Variants in ROBO2 observed in about 807,000 individuals in gnomAD.
ROBO2 encodes the protein roundabout guidance receptor 2.
A neutral mutation model predicts 160.8 loss-of-function variants in ROBO2; 53 were observed. That is an observed-to-expected ratio of 0.33 (90% CI 0.26 to 0.41). The LOEUF is 0.41. Among genes scored for constraint, ROBO2 ranks in the 10% least tolerant of loss-of-function variants. The pLI, the probability that ROBO2 is intolerant of heterozygous loss-of-function variation, is 1.00. For missense variants in ROBO2, 1,577 were observed against 1,722.4 expected (o/e 0.92, Z 1.49); for synonymous variants, 664 against 611.7 (o/e 1.09, Z -1.26).
At chr3:76,557,571 G>T (rs1033801086) in intron 2 of ROBO2, among the ~76,000 whole-genome samples, 7 of 149,580 alleles carry the variant, frequency 4.7e-5, no homozygotes, top group African/African-American at 1.7e-4. Context: ...ATGTCCTTGG[G>T]AGAGATTTTA....
intron 2 of ROBO2, among the ~76,000 whole-genome samples, chr3:76,086,713 A>G (rs2108064858): frequency 6.6e-6 from 1 of 152,304 alleles, no homozygotes; most frequent in Middle Eastern, 3.4e-3. Context: ...TCAGAGTCAG[A>G]TATGGCAAGA....
rs142849858 is a variant in ROBO2, at chr3:77,304,138, G to C, written c.389-173276G>C. Among the ~76,000 whole-genome samples the C allele has an allele frequency of 5.8e-3, 889 of 152,280 alleles. 24 individuals are homozygous for C. The highest frequency in any genetic ancestry group is 0.046 in the Admixed American group (708 of 15,292). On this transcript the variant is annotated intron_variant, in intron 2 of 25. Transcript: ENST00000461745. ...GTGTCCACTTTCCTTCAGAGATTTA[G>C]GGTGATGAGAAGATAAAGGGTCTGC... is the stretch of plus-strand genomic sequence containing the variant.
At chr3:76,259,688 TTATAAGAAGTGGTGGTTTCC>T (rs1403566177) in intron 2 of ROBO2, among the ~76,000 whole-genome samples, 1 of 152,152 alleles carries the variant, frequency 6.6e-6, no homozygotes, top group Non-Finnish European at 1.5e-5. Context: ...CTTTCAGTCC[TTATAAGAAGTGGTGGTTTCC>T]TAAGCTTTGG....
intron 2 of ROBO2, among the ~76,000 whole-genome samples, chr3:76,404,796 T>C (rs902351869): frequency 1.3e-5 from 2 of 151,522 alleles, no homozygotes; most frequent in African/African-American, 4.8e-5. Context: ...CTTTCTAATA[T>C]AGAAAACGGA....
intron 2 of ROBO2, among the ~76,000 whole-genome samples, chr3:77,225,868 T>G (rs150893045): frequency 6.6e-6 from 1 of 152,026 alleles, no homozygotes; most frequent in Non-Finnish European, 1.5e-5. Context: ...TATGACTTCC[T>G]GCTATGGAGA....
chr3:76,216,283 A>G (rs1395219864), intron 2 of ROBO2, among the ~76,000 whole-genome samples: 2 of 152,208 alleles, frequency 1.3e-5, no homozygotes, highest in African/African-American at 4.8e-5. Flanking sequence ...TAACATCATA[A>G]TGAGAGGATA....
At chr3:76,424,460 A>C (rs2076126570) in intron 2 of ROBO2, among the ~76,000 whole-genome samples, 1 of 152,162 alleles carries the variant, frequency 6.6e-6, no homozygotes, top group Non-Finnish European at 1.5e-5. Flanking sequence ...AAAATGGATA[A>C]ACACATAGAA....
chr3:76,973,703 T>C (rs1053772391), intron 2 of ROBO2, among the ~76,000 whole-genome samples: 3 of 152,188 alleles, frequency 2.0e-5, no homozygotes, highest in African/African-American at 7.2e-5. Context: ...AATTTCAGTG[T>C]AATAATGAAC....
intron 2 of ROBO2, among the ~76,000 whole-genome samples, chr3:77,136,994 G>A (rs2150394186): frequency 6.6e-6 from 1 of 152,172 alleles, no homozygotes; most frequent in Middle Eastern, 3.4e-3. Flanking sequence ...ATGCTACCCA[G>A]GCTGGTCTTA....
At chr3:76,248,384 C>G (rs987191333) in intron 2 of ROBO2, among the ~76,000 whole-genome samples, 3 of 151,020 alleles carry the variant, frequency 2.0e-5, no homozygotes, top group African/African-American at 4.9e-5. Context: ...AGTAAACTAT[C>G]GCAAGAACAA....
At chr3:76,160,633 T>A (rs2072590545) in intron 2 of ROBO2, among the ~76,000 whole-genome samples, 1 of 152,188 alleles carries the variant, frequency 6.6e-6, no homozygotes, top group South Asian at 2.1e-4. Flanking sequence ...TTGTAAAGGA[T>A]CAGTGGTTTT....
chr3:77,640,516 T>A (rs1167762058), intron 24 of ROBO2, among the ~76,000 whole-genome samples: 7 of 152,138 alleles, frequency 4.6e-5, no homozygotes, highest in African/African-American at 7.2e-5. Flanking sequence ...TCTGGTTACA[T>A]GAGTCTGGAG....
rs1560581301 is a variant in ROBO2 at position 76,798,322 on chromosome 3, CGAAT to C, written c.110-299688_110-299685del. Among the ~76,000 whole-genome samples, 90 of 111,496 alleles carry C rather than the reference CGAAT, an allele frequency of 8.1e-4. 1 individual carries two copies. The highest frequency in any genetic ancestry group is 2.8e-3 in the African/African-American group (88 of 31,204). 73.1% of individuals were successfully genotyped at this position (111,496 alleles called of 152,430 possible). On this transcript the variant is annotated intron_variant, in intron 2 of 26. Transcript: ENST00000487694. ...AAAGAAAGAAAGAAAGAAAAAAGAA[CGAAT>C]GAACTAAAGGCCAATATTTATGTTG...
chr3:76,005,654 C>G (rs149192063), intron 2 of ROBO2, among the ~76,000 whole-genome samples: 2 of 152,216 alleles, frequency 1.3e-5, no homozygotes, highest in African/African-American at 2.4e-5. Context: ...TATATAGATA[C>G]CCCTAATTCA....
intron 2 of ROBO2, among the ~76,000 whole-genome samples, chr3:77,291,255 A>G (rs2061202885): frequency 6.6e-6 from 1 of 152,078 alleles, no homozygotes; most frequent in South Asian, 2.1e-4. Context: ...TTGACGGTTA[A>G]ACGGGTAAGC....
chr3:77,468,636 A>C (rs1472288625), intron 2 of ROBO2, among the ~76,000 whole-genome samples: 1 of 152,206 alleles, frequency 6.6e-6, no homozygotes, highest in Non-Finnish European at 1.5e-5. Flanking sequence ...GAAGCTGGCC[A>C]TTCCTCCTGT....
intron 2 of ROBO2, among the ~76,000 whole-genome samples, chr3:75,960,427 G>A (rs1041704745): frequency 4.0e-5 from 6 of 151,772 alleles, no homozygotes; most frequent in African/African-American, 1.5e-4. Flanking sequence ...TAATGTTTAA[G>A]GCTGGATGTG....
At chr3:76,108,079 T>C (rs1026889513) in intron 2 of ROBO2, among the ~76,000 whole-genome samples, 3 of 152,108 alleles carry the variant, frequency 2.0e-5, no homozygotes, top group Non-Finnish European at 4.4e-5. Context: ...AGATGCTCTA[T>C]CTACGTGTGT....
intron 2 of ROBO2, among the ~76,000 whole-genome samples, chr3:77,234,072 C>A (rs1274391787): frequency 6.6e-6 from 1 of 152,102 alleles, no homozygotes; most frequent in African/African-American, 2.4e-5. Context: ...GGGAGTGGAC[C>A]ATTAGTTTTC....
Sources: allele counts gnomAD v4.1 joint callset (sites outside exome capture counted in the v4.1 genomes callset), GRCh38; gene constraint gnomAD v4.1.1; transcripts MANE v1.5; gene names NCBI Gene and HGNC (gene_info 2026-07-23, HGNC 2026-07-21).